Variants in YME1L1 observed in about 807,000 individuals in gnomAD.
YME1L1 encodes YME1 like 1 ATPase.
Under a neutral mutation model 90.4 loss-of-function variants are expected in YME1L1, and 39 were observed. The ratio of observed to expected loss-of-function variants is 0.43; its 90% CI spans 0.33 to 0.56. The LOEUF is 0.56. Ranked by LOEUF, YME1L1 falls within the 20% of genes least tolerant of loss-of-function variation. The pLI is 0.03. For synonymous variants in YME1L1, 284 were observed against 287.3 expected (o/e 0.99, Z 0.12); for missense variants, 617 against 868.4 (o/e 0.71, Z 3.64).
intron 9 of YME1L1, among the ~76,000 whole-genome samples, chr10:27,124,401 A>T (rs561570264): frequency 6.6e-6 from 1 of 152,204 alleles, no homozygotes; most frequent in Non-Finnish European, 1.5e-5. Context: ...GCAAATTTTC[A>T]TAACACCAAA....
intron 8 of YME1L1, among the ~76,000 whole-genome samples, chr10:27,129,085 CAAAAAAAAAAAAAAA>C (rs71523559): frequency 1.2e-4 from 6 of 48,508 alleles, no homozygotes; most frequent in African/African-American, 1.5e-4. Flanking sequence ...GACCCTGTCT[CAAAAAAAAAAAAAAA>C]AAAAAAAAAA....
chr10:27,130,032 T>C (rs932461713), intron 8 of YME1L1, among the ~76,000 whole-genome samples: 1 of 152,200 alleles, frequency 6.6e-6, no homozygotes, highest in African/African-American at 2.4e-5. Context: ...CAATCCTCTA[T>C]TCCATCTCAT....
At chr10:27,113,650 C>A (rs567504381) in intron 18 of YME1L1, among the ~76,000 whole-genome samples, 14 of 138,296 alleles carry the variant, frequency 1.0e-4, no homozygotes, top group African/African-American at 3.0e-4. Flanking sequence ...CCAGCCTGGG[C>A]AACAAGAGCA....
intron 4 of YME1L1, among the ~76,000 whole-genome samples, chr10:27,141,373 A>G (rs1434990261): frequency 6.6e-6 from 1 of 152,164 alleles, no homozygotes; most frequent in African/African-American, 2.4e-5. Flanking sequence ...CTCCATCTCA[A>G]AAACAAAACA....
chr10:27,136,017 C>T (rs1222151601), intron 5 of YME1L1, among the ~76,000 whole-genome samples: 1 of 152,090 alleles, frequency 6.6e-6, no homozygotes, highest in Non-Finnish European at 1.5e-5. Context: ...AGGTTTTTAG[C>T]TTGGGTGGAT....
intron 7 of YME1L1, 70 bp from the exon 8 acceptor site, chr10:27,132,011 G>GC: frequency 3.1e-6 from 4 of 1,274,020 alleles, no homozygotes; most frequent in Non-Finnish European, 2.2e-6. Context: ...TTTTTTAGAT[G>GC]CAAGAAAGCA....
At chr10:27,137,173 T>C (rs1253435603) in intron 4 of YME1L1, among the ~76,000 whole-genome samples, 2 of 152,218 alleles carry the variant, frequency 1.3e-5, no homozygotes, top group Non-Finnish European at 2.9e-5. Context: ...CCAATCCCAC[T>C]TCCCAGAAGT....
chr10:27,151,651 G>GCGGA (rs2057217553), intron 1 of YME1L1, among the ~76,000 whole-genome samples: 1 of 151,902 alleles, frequency 6.6e-6, no homozygotes, highest in African/African-American at 2.4e-5. Flanking sequence ...GGAGGCCGAG[G>GCGGA]CGGACGGATC....
At chr10:27,150,896 C>G (rs1386087999) in intron 1 of YME1L1, among the ~76,000 whole-genome samples, 5 of 147,092 alleles carry the variant, frequency 3.4e-5, no homozygotes, top group Non-Finnish European at 6.0e-5. Context: ...AATAAACTTG[C>G]TTTCACTTTA....
At chr10:27,121,720 T>C (rs908533980) in intron 11 of YME1L1, among the ~76,000 whole-genome samples, 2 of 150,922 alleles carry the variant, frequency 1.3e-5, no homozygotes, top group Non-Finnish European at 1.5e-5. Flanking sequence ...TTAAATCTTT[T>C]CTCCCCAATT....
At chr10:27,132,618 G>A (rs1464306332) in intron 7 of YME1L1, among the ~76,000 whole-genome samples, 2 of 151,760 alleles carry the variant, frequency 1.3e-5, no homozygotes, top group African/African-American at 2.4e-5. Flanking sequence ...TGAGGAGATC[G>A]AGACCATCTT....
At position 27,119,511 on chromosome 10, in the gene YME1L1, A is replaced by C. The variant is rs958297123; in HGVS notation, c.1412-62T>G. Reference sequence around the variant, plus strand: ...AAACAGGTAAAAGAAAGCTCTTCACAAAGAACTCACATTCCAACTGGGTGC... The same window carrying C: ...AAACAGGTAAAAGAAAGCTCTTCACCAAGAACTCACATTCCAACTGGGTGC... On this transcript the variant is annotated intron_variant, in intron 13 of 18. Transcript: ENST00000376016. 4 of 1,532,708 alleles carry C rather than the reference A, an allele frequency of 2.6e-6. No homozygotes were observed. The African/African-American group carries it at 5.6e-5, about 22-fold the overall frequency. The allele number at this position is 1,532,708 out of a possible 1,614,324, so 94.9% of individuals were successfully genotyped here.
chr10:27,117,747 G>A lies in YME1L1; in HGVS notation c.1568-20C>T. The A allele has an allele frequency of 6.2e-7, 1 of 1,610,954 alleles. No homozygotes were observed. The stretch of plus-strand genomic sequence containing the variant: ...CAGGCCCTAAGATAAATTTAATTGA[G>A]TAAATACTCCATTAGAAAGGTATAT... On this transcript the variant is annotated intron_variant, in intron 14 of 18. Coordinates refer to ENST00000376016, the MANE Select transcript of YME1L1 (RefSeq NM_014263.4).
intron 8 of YME1L1, among the ~76,000 whole-genome samples, chr10:27,128,198 A>C (rs2056940216): frequency 6.6e-6 from 1 of 152,328 alleles, no homozygotes; most frequent in African/African-American, 2.4e-5. Flanking sequence ...CTAGGCAAGG[A>C]AATGACATTC....
In YME1L1 at chr10:27,140,789, T is replaced by A. The variant is rs140299071; in HGVS notation, c.430+1598A>T. Among the ~76,000 whole-genome samples, 1,072 of 152,322 alleles carry A rather than the reference T, an allele frequency of 7.0e-3. 7 individuals carry two copies. The highest frequency in any genetic ancestry group is 0.011 in the Non-Finnish European group (754 of 68,018). On this transcript the variant is annotated intron_variant, in intron 4 of 18. Coordinates refer to ENST00000376016, the MANE Select transcript of YME1L1 (RefSeq NM_014263.4). ...ACTGTGCCTGGCCGTATTTAGGTAT[T>A]TTTTTAAGCTGTCTTTTCTGTTACT...
At position 27,148,906 on chromosome 10, in the gene YME1L1, C is replaced by T. The variant is rs558575633; in HGVS notation, c.168G>A (p.Glu56=). 6.6e-5 allele frequency: 107 copies of T among 1,613,562 alleles called. 1 individual carries two copies. In the South Asian group the frequency reaches 1.2e-3, roughly 17 times the overall value. Residue 56 remains glutamate (E), a splice_region_variant and synonymous_variant, in exon 2 of 19, where the codon GAG becomes GAA. Transcript: ENST00000376016. The part of the protein sequence containing the change: ...VVPEHEAPSS[E]PSLNLRDLGL... ...TCACACAACCAGGATAAAGACTTACCTCACTGCTGGGAGCCTCATGCTCAG... is the reference window on the plus strand; with the variant it reads ...TCACACAACCAGGATAAAGACTTACTTCACTGCTGGGAGCCTCATGCTCAG...
chr10:27,111,713 T>G lies in YME1L1; in HGVS notation c.*264A>C. ...TAATTACTTTCAACTTAATAACTAATTGACATTCCTCAAAAGAGCTGTTTT... is the reference window on the plus strand; with the variant it reads ...TAATTACTTTCAACTTAATAACTAAGTGACATTCCTCAAAAGAGCTGTTTT... On this transcript the variant is annotated 3_prime_UTR_variant, in exon 19 of 19. Transcript: ENST00000376016. 1 of 522,598 alleles carries G rather than the reference T, an allele frequency of 1.9e-6. No homozygotes were observed. The highest frequency in any genetic ancestry group is 2.0e-5 in the South Asian group (1 of 50,308). 32.4% of individuals were successfully genotyped at this position (522,598 alleles called of 1,614,324 possible).
Position 27,113,002 on chromosome 10 carries a change from G to A in YME1L1, c.2008-882C>T, listed in dbSNP as rs1013226681. The stretch of plus-strand genomic sequence containing the variant: ...TTTGGGAGGCCAAGGCAGGTGGATC[G>A]TTTGAGCCCAGGAGTTCGACACCAG... On this transcript the variant is annotated intron_variant, in intron 18 of 18. Coordinates refer to ENST00000376016, the MANE Select transcript of YME1L1 (RefSeq NM_014263.4). Among the ~76,000 whole-genome samples, 9 of 151,792 alleles carry A rather than the reference G, an allele frequency of 5.9e-5. No homozygotes were observed. In the South Asian group the frequency reaches 6.2e-4, roughly 11 times the overall value.
At chr10:27,151,281 C>G (rs996910269) in intron 1 of YME1L1, among the ~76,000 whole-genome samples, 2 of 152,190 alleles carry the variant, frequency 1.3e-5, no homozygotes, top group South Asian at 4.1e-4. Flanking sequence ...GATCAGGGCC[C>G]ACTTCCAGTA....
Sources: allele counts gnomAD v4.1 joint callset (sites outside exome capture counted in the v4.1 genomes callset), GRCh38; gene constraint gnomAD v4.1.1; transcripts MANE v1.5; gene names NCBI Gene and HGNC (gene_info 2026-07-23, HGNC 2026-07-21).